PAPPA2: variants seen among roughly 807,000 people sequenced by gnomAD.
PAPPA2 encodes the protein pappalysin 2, also known as pappalysin-2.
In PAPPA2, 86 loss-of-function variants were observed where a neutral mutation model predicts 176.4. That is an observed-to-expected ratio of 0.49 (90% CI 0.41 to 0.58). The LOEUF (loss-of-function observed/expected upper bound fraction) is 0.58. PAPPA2 is among the 20% of genes least tolerant of loss of function. The pLI is 0.00. For synonymous variants in PAPPA2, 809 were observed against 852.2 expected (o/e 0.95, Z 0.88); for missense variants, 2,073 against 2,256.9 (o/e 0.92, Z 1.65).
chr1:176,555,943 T>G lies in PAPPA2; in HGVS notation c.-380T>G. On this transcript the variant is annotated 5_prime_UTR_variant, in exon 2 of 23. Transcript: ENST00000367662. ...TGTGGGTCTTCTCTTCTAGTATCAG[T>G]GAGGGGAGGGATTACTGAAGAAGAA... 5.0e-6 allele frequency: 1 copy of G among 198,240 alleles called. No homozygotes were observed. The highest frequency in any genetic ancestry group is 1.0e-5 in the Non-Finnish European group (1 of 97,404). 12.3% of individuals were successfully genotyped at this position (198,240 alleles called of 1,614,324 possible).
intron 17 of PAPPA2, among the ~76,000 whole-genome samples, chr1:176,776,364 C>T (rs1044900639): frequency 6.6e-6 from 1 of 152,134 alleles, no homozygotes; most frequent in Non-Finnish European, 1.5e-5. Flanking sequence ...CTGTGGGGTG[C>T]TATAGTGTCA....
intron 9 of PAPPA2, among the ~76,000 whole-genome samples, chr1:176,704,897 C>T (rs954669544): frequency 6.6e-6 from 1 of 151,580 alleles, no homozygotes; most frequent in African/African-American, 2.4e-5. Context: ...CTAATTTTAC[C>T]AGTTTCTTTT....
At chr1:176,611,608 A>T (rs1025590997) in intron 3 of PAPPA2, among the ~76,000 whole-genome samples, 10 of 152,054 alleles carry the variant, frequency 6.6e-5, no homozygotes, top group Non-Finnish European at 2.9e-5. Flanking sequence ...TTTTTCTTTT[A>T]TTAGTAGCCT....
chr1:176,790,386 C>A (rs1250687540), intron 18 of PAPPA2, among the ~76,000 whole-genome samples: 2 of 152,132 alleles, frequency 1.3e-5, no homozygotes, highest in Non-Finnish European at 1.5e-5. Flanking sequence ...TTGACTCTTC[C>A]CCTCCCTAGG....
chr1:176,526,940 C>G (rs370435703), intron 1 of PAPPA2, among the ~76,000 whole-genome samples: 4 of 152,292 alleles, frequency 2.6e-5, no homozygotes, highest in African/African-American at 7.2e-5. Context: ...GTGCTCAATA[C>G]AACTTTTTAT....
At chr1:176,525,105 G>A (rs910793788) in intron 1 of PAPPA2, among the ~76,000 whole-genome samples, 1 of 152,150 alleles carries the variant, frequency 6.6e-6, no homozygotes, top group African/African-American at 2.4e-5. Flanking sequence ...AAGGAAGCAA[G>A]CTGTGGCTGT....
intron 5 of PAPPA2, chr1:176,690,722 T>A: frequency 8.3e-7 from 1 of 1,205,274 alleles, no homozygotes; most frequent in Non-Finnish European, 1.0e-6. Context: ...CCTCTTGTGA[T>A]CCCCTTGACT....
At chr1:176,651,372 A>G (rs1573195600) in intron 3 of PAPPA2, among the ~76,000 whole-genome samples, 1 of 151,592 alleles carries the variant, frequency 6.6e-6, no homozygotes, top group South Asian at 2.1e-4. Flanking sequence ...TGTCCTTCAT[A>G]TATGAAGGAT....
chr1:176,689,471 G>C (rs534721915), intron 4 of PAPPA2, among the ~76,000 whole-genome samples: 1 of 152,314 alleles, frequency 6.6e-6, no homozygotes, highest in South Asian at 2.1e-4. Context: ...CCTATCTTTT[G>C]TCTGACTAGT....
intron 3 of PAPPA2, among the ~76,000 whole-genome samples, chr1:176,601,681 GTGT>G (rs1246276294): frequency 6.6e-6 from 1 of 152,232 alleles, no homozygotes; most frequent in Non-Finnish European, 1.5e-5. Context: ...GGAAGGAAGG[GTGT>G]TGAGTGTCCA....
chr1:176,837,283 G>C (rs1239744610), intron 21 of PAPPA2, among the ~76,000 whole-genome samples: 2 of 152,046 alleles, frequency 1.3e-5, no homozygotes, highest in African/African-American at 2.4e-5. Context: ...CGCTCTCTCA[G>C]ATTTAAGTAT....
chr1:176,691,853 A>G (rs1200132314), intron 5 of PAPPA2, among the ~76,000 whole-genome samples: 3 of 152,226 alleles, frequency 2.0e-5, no homozygotes, highest in African/African-American at 7.2e-5. Flanking sequence ...ATAAGCAACC[A>G]TCAGCTCAGA....
intron 13 of PAPPA2, 28 bp downstream of exon 13, chr1:176,739,789 T>G: frequency 6.2e-7 from 1 of 1,610,762 alleles, no homozygotes. Flanking sequence ...CCCTTTAGGG[T>G]CACTAGAGGA....
intron 21 of PAPPA2, among the ~76,000 whole-genome samples, chr1:176,804,395 C>T (rs183752579): frequency 6.6e-6 from 1 of 152,226 alleles, no homozygotes; most frequent in Non-Finnish European, 1.5e-5. Flanking sequence ...GGAGGAGATG[C>T]TGAAATATAG....
intron 1 of PAPPA2, among the ~76,000 whole-genome samples, chr1:176,552,465 C>G (rs764120496): frequency 6.6e-6 from 1 of 151,324 alleles, no homozygotes; most frequent in African/African-American, 2.4e-5. Context: ...TCCTCATCCC[C>G]TCTCCTCTCT....
chr1:176,635,491 A>T (rs1573169113), intron 3 of PAPPA2, among the ~76,000 whole-genome samples: 1 of 152,156 alleles, frequency 6.6e-6, no homozygotes, highest in Non-Finnish European at 1.5e-5. Context: ...ATCTTAGAAT[A>T]ATAGCAAATA....
intron 14 of PAPPA2, among the ~76,000 whole-genome samples, chr1:176,760,320 TA>T (rs1448421406): frequency 1.3e-5 from 2 of 152,234 alleles, no homozygotes; most frequent in Non-Finnish European, 2.9e-5. Flanking sequence ...TTTAATATAG[TA>T]AAACATAATG....
chr1:176,702,056 A>G (rs1660672483), intron 8 of PAPPA2, among the ~76,000 whole-genome samples: 1 of 152,182 alleles, frequency 6.6e-6, no homozygotes, highest in South Asian at 2.1e-4. Context: ...TAATTGTGGA[A>G]CTTCTTGCTT....
At chr1:176,523,214 G>A (rs1649299482) in intron 1 of PAPPA2, among the ~76,000 whole-genome samples, 1 of 152,044 alleles carries the variant, frequency 6.6e-6, no homozygotes, top group African/African-American at 2.4e-5. Context: ...CATGTCTGAG[G>A]TATAACTGCT....
Sources: gnomAD v4.1 joint callset for allele counts (sites outside exome capture counted in the v4.1 genomes callset) on GRCh38, gnomAD v4.1.1 for gene constraint, MANE v1.5 for transcripts, NCBI Gene and HGNC (gene_info 2026-07-23, HGNC 2026-07-21) for gene names.